SIN3A: variants seen among roughly 807,000 people sequenced by gnomAD.
SIN3A encodes SIN3 transcription regulator family member A.
In SIN3A, 14 loss-of-function variants were observed where a neutral mutation model predicts 146.1. The ratio of observed to expected loss-of-function variants is 0.10; its 90% CI spans 0.06 to 0.15. The LOEUF (loss-of-function observed/expected upper bound fraction) is 0.15, where lower values mean the gene tolerates loss of function less well. SIN3A is among the 10% of genes least tolerant of loss of function. The pLI is 1.00. For synonymous variants in SIN3A, 572 were observed against 572.0 expected (o/e 1.00, Z 0.00); for missense variants, 1,028 against 1,576.0 (o/e 0.65, Z 5.89).
chr15:75,417,815 A>T (rs756952028), intron 3 of SIN3A, among the ~76,000 whole-genome samples: 1 of 152,212 alleles, frequency 6.6e-6, no homozygotes, highest in Non-Finnish European at 1.5e-5. Flanking sequence ...TGATATTAAG[A>T]AGTGAGGCCT....
chr15:75,433,787 C>T (rs1447056967), intron 1 of SIN3A, among the ~76,000 whole-genome samples: 3 of 152,024 alleles, frequency 2.0e-5, no homozygotes, highest in Middle Eastern at 3.4e-3. Flanking sequence ...CCAGCCTGGG[C>T]GACAGAGCAA....
chr15:75,410,864 C>A (rs1026081506), intron 6 of SIN3A, among the ~76,000 whole-genome samples: 1 of 147,096 alleles, frequency 6.8e-6, no homozygotes, highest in Non-Finnish European at 1.5e-5. Context: ...GTTGAAACCC[C>A]GTCTCTACTA....
chr15:75,406,992 G>C, intron 9 of SIN3A, 63 bp downstream of exon 9: 1 of 1,184,740 alleles, frequency 8.4e-7, no homozygotes, highest in Non-Finnish European at 1.2e-6. Flanking sequence ...CCTTCCAGGG[G>C]GATAAGATGA....
rs1435127039 is a variant in SIN3A at position 75,370,876 on chromosome 15, T to C, written c.*1103A>G. 6.6e-6 allele frequency: 1 copy of C among 151,548 alleles called. No individual in the cohort carries two copies. The highest frequency in any genetic ancestry group is 1.5e-5 in the Non-Finnish European group (1 of 67,962). The allele number at this position is 151,548 out of a possible 1,614,324, so 9.4% of individuals were successfully genotyped here. A position where few individuals can be genotyped will look rare whatever the true frequency, so the allele number is the denominator to read the frequency against. ...CCTGGATAAGGAACTGAAGTCAAAA[T>C]CCCTGCTTCACAGTATTTTCTGGTG... On this transcript the variant is annotated 3_prime_UTR_variant, in exon 21 of 21. Coordinates refer to ENST00000394947, the MANE Select transcript of SIN3A (RefSeq NM_001145358.2).
At chr15:75,415,284 G>A (rs922136809) in intron 3 of SIN3A, 10 of 152,508 alleles carry the variant, frequency 6.6e-5, no homozygotes, top group African/African-American at 2.4e-4. Context: ...TTGGGGAACT[G>A]ACTGAATAGA....
chr15:75,403,554 T>C (rs1233657951), intron 9 of SIN3A, among the ~76,000 whole-genome samples: 2 of 151,880 alleles, frequency 1.3e-5, no homozygotes, highest in Non-Finnish European at 2.9e-5. Context: ...TCTTTTTTTT[T>C]TTTGAGACCG....
At chr15:75,440,982 C>CAAAA (rs769091157) in intron 1 of SIN3A, among the ~76,000 whole-genome samples, 2 of 71,548 alleles carry the variant, frequency 2.8e-5, no homozygotes, top group Non-Finnish European at 5.7e-5. Context: ...GACTCTGTCT[C>CAAAA]AAAAAAAAAA....
chr15:75,437,472 C>T (rs921875950), intron 1 of SIN3A, among the ~76,000 whole-genome samples: 1 of 152,106 alleles, frequency 6.6e-6, no homozygotes, highest in Non-Finnish European at 1.5e-5. Context: ...CAGCCAGACC[C>T]CTCTTTTTTT....
At chr15:75,380,943 G>T (rs529818690) in intron 18 of SIN3A, 5 of 457,530 alleles carry the variant, frequency 1.1e-5, no homozygotes, top group African/African-American at 3.9e-5. Flanking sequence ...AGGTGCTAAG[G>T]TTATGAGAAG....
intron 1 of SIN3A, among the ~76,000 whole-genome samples, chr15:75,439,640 C>G (rs1049847233): frequency 2.0e-5 from 3 of 151,962 alleles, no homozygotes; most frequent in African/African-American, 7.2e-5. Flanking sequence ...CCACCGCACC[C>G]GGCCATCAAT....
At position 75,430,188 on chromosome 15, in the gene SIN3A, T is replaced by A. The variant is rs1567401751; in HGVS notation, c.188A>T (p.Gln63Leu). 1 of 1,610,800 alleles carries A rather than the reference T, an allele frequency of 6.2e-7. No homozygotes were observed. Residue 63 changes from glutamine (Q) to leucine (L), a missense_variant and splice_region_variant, in exon 2 of 21, where the codon CAG becomes CTG. By Grantham distance (113) the Gln-to-Leu change is moderately radical (BLOSUM62 -2). Around this residue, in one of 9 missense-constraint regions of SIN3A, gnomAD observed 152 missense variants for 231.5 expected, o/e 0.66. Transcript: ENST00000394947. Reference sequence around the variant, plus strand: ...GTCCCTTGGTTGGCTCCAGCTTACCTGGTAGCTGGGTGTTACAGAGTACTG... The same window carrying A: ...GTCCCTTGGTTGGCTCCAGCTTACCAGGTAGCTGGGTGTTACAGAGTACTG... ...GIQYSVTPSY[Q>L]VSAMPQSSGS...
chr15:75,379,656 G>C (rs1055182722), intron 19 of SIN3A, among the ~76,000 whole-genome samples: 5 of 152,188 alleles, frequency 3.3e-5, no homozygotes, highest in African/African-American at 1.2e-4. Context: ...CTTTTCCCAT[G>C]TTCTCATTAG....
At chr15:75,426,652 G>A (rs2073930550) in intron 2 of SIN3A, among the ~76,000 whole-genome samples, 1 of 152,148 alleles carries the variant, frequency 6.6e-6, no homozygotes, top group Non-Finnish European at 1.5e-5. Flanking sequence ...CAGAAAGGGC[G>A]GACGAGGTGG....
chr15:75,387,501 GA>G (rs34479080), intron 16 of SIN3A, among the ~76,000 whole-genome samples: 22,604 of 100,152 alleles, frequency 0.23, 2,409 homozygotes, highest in Non-Finnish European at 0.26. Context: ...CCCTGGGTTG[GA>G]AAAAAAAAAA....
At chr15:75,411,025 G>C (rs928868295) in intron 6 of SIN3A, among the ~76,000 whole-genome samples, 1 of 145,784 alleles carries the variant, frequency 6.9e-6, no homozygotes, top group Non-Finnish European at 1.5e-5. Context: ...AATCAAGTCA[G>C]GCAAATAAAA....
rs964362357 is a variant in SIN3A, at chr15:75,371,475, A to C, written c.*504T>G. On this transcript the variant is annotated 3_prime_UTR_variant, in exon 21 of 21. Transcript: ENST00000394947. ...GGGTGATCTTAGATGTGCTCGAGTG[A>C]CCAGAAAAAAAAAATCAAATCCAGC... 7.8e-5 allele frequency: 12 copies of C among 153,430 alleles called. No individual in the cohort carries two copies. The highest frequency in any genetic ancestry group is 2.4e-4 in the African/African-American group (10 of 41,452). The allele number at this position is 153,430 out of a possible 1,614,324, so 9.5% of individuals were successfully genotyped here.
Position 75,410,267 on chromosome 15 carries a change from T to C in SIN3A, c.1028A>G (p.Lys343Arg), listed in dbSNP as rs1354503043. Reference protein sequence around the residue: ...HTYQKEQRNAKEAGGNYTPAL... With the variant: ...HTYQKEQRNAREAGGNYTPAL... Reference sequence around the variant, plus strand: ...TGGAGTGTAGTTTCCTCCAGCTTCCTTGGCATTTCTCTGCTCTTTCTGAGG... The same window carrying C: ...TGGAGTGTAGTTTCCTCCAGCTTCCCTGGCATTTCTCTGCTCTTTCTGAGG... Residue 343 changes from lysine (K) to arginine (R), a missense_variant, in exon 7 of 21, where the codon AAG becomes AGG. Physicochemically the swap from Lys to Arg is conservative, Grantham distance 26. This residue lies in a region of SIN3A where 14 missense variants were observed against 54.4 expected (regional missense o/e 0.26). Coordinates refer to ENST00000394947, the MANE Select transcript of SIN3A (RefSeq NM_001145358.2). 6.2e-7 allele frequency: 1 copy of C among 1,613,344 alleles called. No individual in the cohort carries two copies. Among genetic ancestry groups the C allele is most frequent in the Non-Finnish European group, 8.5e-7 (1 of 1,179,870 alleles).
intron 3 of SIN3A, chr15:75,419,997 A>C (rs1355684140): frequency 6.6e-6 from 1 of 152,196 alleles, no homozygotes; most frequent in Non-Finnish European, 1.5e-5. Flanking sequence ...GCATGTATAC[A>C]GTTCTAGGTA....
Position 75,370,356 on chromosome 15 carries a change from A to G in SIN3A, c.*1623T>C, listed in dbSNP as rs2141351865. 6.6e-6 allele frequency: 1 copy of G among 152,304 alleles called. No homozygotes were observed. The highest frequency in any genetic ancestry group is 6.5e-5 in the Admixed American group (1 of 15,300). The allele number at this position is 152,304 out of a possible 1,614,324, so 9.4% of individuals were successfully genotyped here. ...GATTTTTAACTAAAAAGCAAACATA[A>G]AACACACAGAACATTGCTGGTTACA... On this transcript the variant is annotated 3_prime_UTR_variant, in exon 21 of 21. Transcript: ENST00000394947.
Sources: gnomAD v4.1 joint callset for allele counts (sites outside exome capture counted in the v4.1 genomes callset) on GRCh38, gnomAD v4.1.1 for gene constraint, gnomAD v4.1.1 regional missense constraint, MANE v1.5 for transcripts, NCBI Gene and HGNC (gene_info 2026-07-23, HGNC 2026-07-21) for gene names.